The following CD72 variants were observed in gnomAD, a reference collection of about 807,000 sequenced individuals.
CD72 encodes the protein B-cell differentiation antigen CD72.
Under a neutral mutation model 50.7 loss-of-function variants are expected in CD72, and 28 were observed. That is an observed-to-expected ratio of 0.55 (90% confidence interval 0.41 to 0.76). CD72 has a LOEUF of 0.76. Among genes scored for constraint, CD72 ranks in the 30% least tolerant of loss-of-function variants. CD72 has a pLI of 0.00. For synonymous variants in CD72, 176 were observed against 171.2 expected (o/e 1.03, Z -0.22); for missense variants, 403 against 420.6 (o/e 0.96, Z 0.37).
At chr9:35,637,156 C>T (rs1823298170) in intron 1 of CD72, among the ~76,000 whole-genome samples, 1 of 152,114 alleles carries the variant, frequency 6.6e-6, no homozygotes, top group Admixed American at 6.5e-5. Flanking sequence ...GAAGATCTAC[C>T]CCCTGCCCGC....
intron 6 of CD72, among the ~76,000 whole-genome samples, chr9:35,612,372 G>T (rs750496104): frequency 1.3e-5 from 2 of 152,144 alleles, no homozygotes; most frequent in Non-Finnish European, 2.9e-5. Context: ...ATCACCTGAG[G>T]CCAGGAGTTA....
intron 7 of CD72, 127 bp from the exon 8 acceptor site, chr9:35,610,880 G>T (rs1822970358): frequency 1.5e-6 from 1 of 654,860 alleles, no homozygotes; most frequent in African/African-American, 1.8e-5. Context: ...TCTGGGCATG[G>T]TTCAGGACAG....
chr9:35,645,283 C>G (rs909869763), intron 1 of CD72, among the ~76,000 whole-genome samples: 3 of 151,350 alleles, frequency 2.0e-5, no homozygotes, highest in African/African-American at 7.3e-5. Flanking sequence ...TGTCTAGATT[C>G]AAGGTTTCAA....
chr9:35,630,492 C>T (rs1823235557), intron 1 of CD72, among the ~76,000 whole-genome samples: 1 of 152,126 alleles, frequency 6.6e-6, no homozygotes, highest in Non-Finnish European at 1.5e-5. Flanking sequence ...GATATTTTCT[C>T]TTCCCAAAAG....
intron 1 of CD72, among the ~76,000 whole-genome samples, chr9:35,637,137 A>G (rs912665708): frequency 3.9e-5 from 6 of 152,112 alleles, no homozygotes; most frequent in African/African-American, 1.5e-4. Context: ...TTGAGAACGT[A>G]CTTTGTAAGA....
intron 5 of CD72, 117 bp from the exon 6 acceptor site, chr9:35,613,110 G>T: frequency 1.2e-6 from 1 of 827,240 alleles, no homozygotes; most frequent in Non-Finnish European, 1.9e-6. Flanking sequence ...GGACTTCTAT[G>T]ATCTTTGCAA....
upstream of CD72, chr9:35,618,503 C>A: frequency 7.5e-7 from 1 of 1,338,294 alleles, no homozygotes; most frequent in Non-Finnish European, 1.0e-6. Flanking sequence ...AAGCAGAAGG[C>A]ATCCCTGGGC....
Position 35,616,018 on chromosome 9 carries a change from G to T in CD72, c.613C>A (p.Gln205Lys). 6.2e-7 allele frequency: 1 copy of T among 1,614,026 alleles called. No homozygotes were observed. The highest frequency in any genetic ancestry group is 8.5e-7 in the Non-Finnish European group (1 of 1,180,028). Residue 205 changes from glutamine (Q) to lysine (K), a missense_variant, in exon 5 of 9, where the codon CAG becomes AAG. Physicochemically the swap from Gln to Lys is moderately conservative, Grantham distance 53. Transcript: ENST00000259633. ...TKETLQSEEQ[Q>K]RRALEQKLSN... ...AGCTTCTGCTCCAAGGCCCTCCTCT[G>T]TTGCTCCTCACTTTGCAAGGTCTCC...
At chr9:35,617,081 C>G (rs1823076287) in intron 3 of CD72, 95 bp downstream of exon 3, 4 of 1,518,096 alleles carry the variant, frequency 2.6e-6, no homozygotes, top group Non-Finnish European at 2.6e-6. Flanking sequence ...GGGTTTATCC[C>G]GGAAGGAGCT....
chr9:35,620,831 A>T (rs10123171), upstream of CD72, among the ~76,000 whole-genome samples: 3 of 152,050 alleles, frequency 2.0e-5, no homozygotes, highest in East Asian at 1.9e-4. Flanking sequence ...AAAAAAAAAT[A>T]AAAAAAAGAA....
In CD72 at chr9:35,611,736, T is replaced by G. The variant is rs568163787; in HGVS notation, c.950+68A>C. The stretch of plus-strand genomic sequence containing the variant: ...CTGAGGGGACCAGGTGGGAAGGAAA[T>G]CTGATTACCATGTCTTTATGGAGGG... On this transcript the variant is annotated intron_variant, in intron 7 of 8. Coordinates refer to ENST00000259633, the MANE Select transcript of CD72 (RefSeq NM_001782.3). 8.1e-6 allele frequency: 7 copies of G among 861,868 alleles called. No individual in the cohort carries two copies. The South Asian group carries it at 9.6e-5, about 12-fold the overall frequency. 53.4% of individuals were successfully genotyped at this position (861,868 alleles called of 1,614,324 possible). A position where few individuals can be genotyped will look rare whatever the true frequency, so the allele number is the denominator to read the frequency against.
At chr9:35,640,543 T>C (rs1489577888) in intron 1 of CD72, among the ~76,000 whole-genome samples, 1 of 152,218 alleles carries the variant, frequency 6.6e-6, no homozygotes, top group Non-Finnish European at 1.5e-5. Context: ...CACTTAGCCG[T>C]GCAAGAACAA....
intron 3 of CD72, 128 bp downstream of exon 3, chr9:35,617,048 C>T (rs1410414429): frequency 2.7e-6 from 4 of 1,474,982 alleles, no homozygotes; most frequent in Middle Eastern, 2.4e-4. Context: ...CACGGCAGCC[C>T]GGGCGTCGGA....
chr9:35,621,416 G>A (rs773931576), upstream of CD72, among the ~76,000 whole-genome samples: 4 of 152,180 alleles, frequency 2.6e-5, no homozygotes, highest in African/African-American at 9.7e-5. Flanking sequence ...TCAGGACATC[G>A]GGAGCATCTC....
intron 1 of CD72, among the ~76,000 whole-genome samples, chr9:35,637,311 T>C (rs1319057712): frequency 1.3e-5 from 2 of 152,190 alleles, no homozygotes; most frequent in Admixed American, 6.5e-5. Context: ...CAAAGCCTGT[T>C]TGGTGGTCTC....
chr9:35,641,901 C>T (rs1397583887), intron 1 of CD72, among the ~76,000 whole-genome samples: 3 of 152,158 alleles, frequency 2.0e-5, no homozygotes, highest in African/African-American at 7.2e-5. Context: ...TTAGGAATTC[C>T]CTTTCTCTCC....
intron 2 of CD72, 68 bp from the exon 3 acceptor site, chr9:35,617,315 C>T: frequency 6.8e-7 from 1 of 1,480,044 alleles, no homozygotes; most frequent in South Asian, 1.4e-5. Context: ...CCTGCGCACC[C>T]GCTTCGCCCT....
rs553770882 is a variant in CD72, at chr9:35,637,075, C to T, written n.408+9328G>A. ...CCCACCCTTGTGAATGTACTTTGTA[C>T]GATACACCCTCCCCACCCTTAAGAA... On this transcript the variant is annotated intron_variant and non_coding_transcript_variant, in intron 1 of 3. Coordinates refer to the CD72 transcript ENST00000465754. 1.1e-3 allele frequency among the ~76,000 whole-genome samples: 166 copies of T among 152,152 alleles called. 2 individuals are homozygous for T. The highest frequency in any genetic ancestry group is 2.1e-3 in the Non-Finnish European group (146 of 67,998).
intron 1 of CD72, among the ~76,000 whole-genome samples, chr9:35,630,947 T>C (rs1823241131): frequency 6.6e-6 from 1 of 152,192 alleles, no homozygotes; most frequent in Non-Finnish European, 1.5e-5. Context: ...CAAGAGGATG[T>C]TGTGAGGCTT....
Sources: gnomAD v4.1 joint callset for allele counts (sites outside exome capture counted in the v4.1 genomes callset) on GRCh38, gnomAD v4.1.1 for gene constraint, MANE v1.5 for transcripts, NCBI Gene and HGNC (gene_info 2026-07-23, HGNC 2026-07-21) for gene names.